The following SMAD9 variants were observed in gnomAD, a reference collection of about 807,000 sequenced individuals.
The protein encoded by SMAD9 is MAD homolog 9.
Under a neutral mutation model 46.1 loss-of-function variants are expected in SMAD9, and 36 were observed. The observed-to-expected ratio is 0.78, with a 90% confidence interval of 0.60 to 1.03. The LOEUF (loss-of-function observed/expected upper bound fraction) is 1.03. Among genes scored for constraint, SMAD9 ranks in the 50% least tolerant of loss-of-function variants. The pLI, the probability that SMAD9 is intolerant of heterozygous loss-of-function variation, is 0.00. For synonymous variants in SMAD9, 245 were observed against 237.1 expected (o/e 1.03, Z -0.31); for missense variants, 572 against 599.8 (o/e 0.95, Z 0.48).
rs898476958 is a variant in SMAD9, at chr13:36,845,131, T to C, written c.*3545A>G. ...GTGTGTGTGTATATATATATATATA[T>C]ATACACACTAAATATTTGGGACACA... On this transcript the variant is annotated 3_prime_UTR_variant, in exon 7 of 7. Transcript: ENST00000379826. 20 of 152,008 alleles carry C rather than the reference T, an allele frequency of 1.3e-4. No homozygotes were observed. The highest frequency in any genetic ancestry group is 4.6e-4 in the African/African-American group (19 of 41,484). 9.4% of individuals were successfully genotyped at this position (152,008 alleles called of 1,614,324 possible). A position where few individuals can be genotyped will look rare whatever the true frequency, so the allele number is the denominator to read the frequency against.
At chr13:36,853,190 T>A (rs1035848395) in intron 6 of SMAD9, among the ~76,000 whole-genome samples, 1 of 151,774 alleles carries the variant, frequency 6.6e-6, no homozygotes, top group African/African-American at 2.4e-5. Context: ...GAGGCTGAGG[T>A]AGGAAAATCG....
At chr13:36,852,315 G>A in intron 6 of SMAD9, 4 of 985,184 alleles carry the variant, frequency 4.1e-6, no homozygotes, top group Non-Finnish European at 4.8e-6. Context: ...TCCCTGGATG[G>A]AATCATGGCA....
chr13:36,919,376 G>A (rs903516532), intron 1 of SMAD9, among the ~76,000 whole-genome samples: 2 of 152,050 alleles, frequency 1.3e-5, no homozygotes, highest in African/African-American at 4.8e-5. Flanking sequence ...TGGCACCGAG[G>A]GGCGGGCCAA....
chr13:36,848,230 T>C lies in SMAD9; in HGVS notation c.*446A>G, dbSNP rs2058048755. ...GCCAACAGCACTAAAAGTGACATCA[T>C]TTAAACTGTAGGGGTTTCACTGCTT... On this transcript the variant is annotated 3_prime_UTR_variant, in exon 7 of 7. Transcript: ENST00000379826. 1.8e-5 allele frequency: 3 copies of C among 165,556 alleles called. No homozygotes were observed. Among genetic ancestry groups the C allele is most frequent in the Non-Finnish European group, 4.0e-5 (3 of 75,550 alleles). 10.3% of individuals were successfully genotyped at this position (165,556 alleles called of 1,614,324 possible).
At chr13:36,893,423 TATATAA>T (rs60866437) in intron 1 of SMAD9, among the ~76,000 whole-genome samples, 7,898 of 147,344 alleles carry the variant, frequency 0.054, 596 homozygotes, top group African/African-American at 0.18. Flanking sequence ...CACAGATATA[TATATAA>T]ATATAAATAT....
At chr13:36,890,837 C>A (rs773527438) in intron 1 of SMAD9, among the ~76,000 whole-genome samples, 21 of 151,878 alleles carry the variant, frequency 1.4e-4, no homozygotes, top group Non-Finnish European at 1.6e-4. Flanking sequence ...GACCCCATCT[C>A]TCTCAAAATC....
intron 5 of SMAD9, among the ~76,000 whole-genome samples, chr13:36,859,089 T>C (rs777552407): frequency 1.3e-5 from 2 of 152,240 alleles, no homozygotes; most frequent in Non-Finnish European, 1.5e-5. Flanking sequence ...TAATATCTTG[T>C]GAACATTTTC....
At chr13:36,901,162 C>T (rs543873753) in intron 1 of SMAD9, among the ~76,000 whole-genome samples, 1 of 152,274 alleles carries the variant, frequency 6.6e-6, no homozygotes, top group East Asian at 1.9e-4. Flanking sequence ...GTTTGAGTAG[C>T]TGTTTTCAGT....
intron 1 of SMAD9, among the ~76,000 whole-genome samples, chr13:36,896,362 G>A (rs916764182): frequency 6.6e-6 from 1 of 152,014 alleles, no homozygotes; most frequent in African/African-American, 2.4e-5. Context: ...CGAACTCCTT[G>A]GCTCAAGCAA....
intron 5 of SMAD9, among the ~76,000 whole-genome samples, chr13:36,854,046 C>T (rs953110455): frequency 1.3e-5 from 2 of 152,096 alleles, no homozygotes; most frequent in African/African-American, 4.8e-5. Context: ...GTAATCCCAG[C>T]TACTCGGGAG....
chr13:36,907,165 C>T lies in SMAD9; in HGVS notation c.-187+12951G>A, dbSNP rs141438269. On this transcript the variant is annotated intron_variant, in intron 1 of 6. Transcript: ENST00000379826. ...GACAAATGATGCATGATTCCACTTA[C>T]TTATATGAAATATCTAGAATAGGGA... Among the ~76,000 whole-genome samples, 113 of 152,216 alleles carry T rather than the reference C, an allele frequency of 7.4e-4. 1 individual carries two copies. The highest frequency in any genetic ancestry group is 2.6e-3 in the African/African-American group (109 of 41,522).
At chr13:36,894,760 G>C (rs1308880000) in intron 1 of SMAD9, among the ~76,000 whole-genome samples, 1 of 151,956 alleles carries the variant, frequency 6.6e-6, no homozygotes, top group African/African-American at 2.4e-5. Flanking sequence ...TGCTGATTGA[G>C]GTCCCAGTGG....
At chr13:36,914,049 T>C (rs1054899014) in intron 1 of SMAD9, among the ~76,000 whole-genome samples, 3 of 152,202 alleles carry the variant, frequency 2.0e-5, no homozygotes, top group Non-Finnish European at 4.4e-5. Flanking sequence ...TGTACTTCCC[T>C]GGCCAGCTCA....
intron 5 of SMAD9, among the ~76,000 whole-genome samples, chr13:36,859,157 C>T (rs1238251172): frequency 2.6e-5 from 4 of 152,194 alleles, no homozygotes; most frequent in African/African-American, 9.7e-5. Context: ...TGTGACATTG[C>T]ATCCTATGTT....
At chr13:36,897,843 CTG>C (rs1467325109) in intron 1 of SMAD9, among the ~76,000 whole-genome samples, 1 of 146,078 alleles carries the variant, frequency 6.8e-6, no homozygotes, top group African/African-American at 2.5e-5. Context: ...CAGAAATGTC[CTG>C]TGTCTTTTTT....
intron 1 of SMAD9, among the ~76,000 whole-genome samples, chr13:36,887,188 AAAG>A (rs1296041498): frequency 2.0e-5 from 3 of 149,312 alleles, no homozygotes; most frequent in Non-Finnish European, 3.0e-5. Context: ...TTTGAAAAGC[AAAG>A]AAGTTAAATG....
intron 4 of SMAD9, 64 bp downstream of exon 4, chr13:36,867,209 G>T: frequency 2.7e-6 from 3 of 1,107,548 alleles, no homozygotes; most frequent in Non-Finnish European, 4.0e-6. Context: ...GAGTTGCTTT[G>T]TTTGGGGGTA....
At chr13:36,915,743 A>C (rs1384551405) in intron 1 of SMAD9, among the ~76,000 whole-genome samples, 1 of 152,206 alleles carries the variant, frequency 6.6e-6, no homozygotes, top group Non-Finnish European at 1.5e-5. Context: ...ATGACTTCTA[A>C]AGTGTTACAA....
chr13:36,900,266 C>T (rs2058563057), intron 1 of SMAD9, among the ~76,000 whole-genome samples: 1 of 151,990 alleles, frequency 6.6e-6, no homozygotes, highest in South Asian at 2.1e-4. Context: ...GTGAAGCCTT[C>T]CCTATCTTAT....
Sources: allele counts gnomAD v4.1 joint callset (sites outside exome capture counted in the v4.1 genomes callset), GRCh38; gene constraint gnomAD v4.1.1; transcripts MANE v1.5; gene names NCBI Gene and HGNC (gene_info 2026-07-23, HGNC 2026-07-21).